The following VTI1A variants were observed in gnomAD, a reference collection of about 807,000 sequenced individuals.
VTI1A encodes the protein vesicle transport through interaction with t-SNAREs homolog 1A.
VTI1A carries 22 observed loss-of-function variants against 34.9 expected under a neutral mutation model. The ratio of observed to expected loss-of-function variants is 0.63; its 90% CI spans 0.45 to 0.90. The LOEUF is 0.90. VTI1A is among the 40% of genes least tolerant of loss of function. The pLI, the probability that VTI1A is intolerant of heterozygous loss-of-function variation, is 0.00. For synonymous variants in VTI1A, 87 were observed against 97.3 expected, an observed-to-expected ratio of 0.89 and a Z score of 0.62; for missense variants, 268 against 275.6, an observed-to-expected ratio of 0.97 and a Z score of 0.20.
chr10:112,737,062 C>CTT, intron 7 of VTI1A: 1 of 388,232 alleles, frequency 2.6e-6, no homozygotes, highest in Non-Finnish European at 4.6e-6. Context: ...AATTTTTTTT[C>CTT]TTTTTTTTTC....
intron 7 of VTI1A, among the ~76,000 whole-genome samples, chr10:112,708,357 A>G (rs7907012): frequency 0.39 from 60,013 of 152,238 alleles, 15,478 homozygotes; most frequent in African/African-American, 0.74. Flanking sequence ...TTATATAAAC[A>G]GGGTTACAGG....
intron 3 of VTI1A, among the ~76,000 whole-genome samples, chr10:112,490,471 T>G (rs933549067): frequency 6.6e-6 from 1 of 152,232 alleles, no homozygotes; most frequent in Non-Finnish European, 1.5e-5. Context: ...CAGATTCAGC[T>G]AATGACCCAA....
chr10:112,704,613 C>T (rs1316299734), intron 7 of VTI1A, among the ~76,000 whole-genome samples: 2 of 152,142 alleles, frequency 1.3e-5, no homozygotes. Context: ...TTGCTTTACC[C>T]AGATAAGTGA....
At chr10:112,507,872 G>C (rs1488673144) in intron 3 of VTI1A, among the ~76,000 whole-genome samples, 1 of 152,152 alleles carries the variant, frequency 6.6e-6, no homozygotes, top group Non-Finnish European at 1.5e-5. Flanking sequence ...TTCTTACTTA[G>C]ATCTGTGGAG....
chr10:112,744,576 C>T (rs1056316972), intron 7 of VTI1A, among the ~76,000 whole-genome samples: 5 of 151,040 alleles, frequency 3.3e-5, no homozygotes, highest in African/African-American at 1.2e-4. Context: ...TCCCAAGTAG[C>T]TGGGACTACA....
At chr10:112,600,643 A>G (rs1844842677) in intron 5 of VTI1A, among the ~76,000 whole-genome samples, 1 of 152,154 alleles carries the variant, frequency 6.6e-6, no homozygotes, top group African/African-American at 2.4e-5. Flanking sequence ...CTTATAGTCT[A>G]TATTTATGGG....
downstream of VTI1A, among the ~76,000 whole-genome samples, chr10:112,820,951 G>C (rs79140253): frequency 1.8e-3 from 269 of 152,210 alleles, 3 homozygotes; most frequent in African/African-American, 6.1e-3. Context: ...TCTTCAGGAG[G>C]AGCTAAAGAG....
At chr10:112,826,995 C>T in the VTI1A span, 2 of 152,178 alleles carry the variant, frequency 1.3e-5, no homozygotes, top group African/African-American at 4.8e-5. Context: ...AGTGTCATTT[C>T]AGGATCAGGA....
At chr10:112,751,732 G>C (rs150538137) in intron 7 of VTI1A, among the ~76,000 whole-genome samples, 76 of 152,334 alleles carry the variant, frequency 5.0e-4, no homozygotes, top group African/African-American at 1.8e-3. Flanking sequence ...CTCTACTAGA[G>C]ATTACACATT....
intron 5 of VTI1A, among the ~76,000 whole-genome samples, chr10:112,667,711 GA>G (rs918286124): frequency 1.3e-5 from 2 of 152,156 alleles, no homozygotes; most frequent in African/African-American, 4.8e-5. Context: ...CAAAAGCCTA[GA>G]GATAGTTCAC....
At chr10:112,843,162 C>T in the VTI1A span, among the ~76,000 whole-genome samples, 1 of 152,248 alleles carries the variant, frequency 6.6e-6, no homozygotes, top group Non-Finnish European at 1.5e-5. Flanking sequence ...CCTCCCAATT[C>T]TCCCAGCAGT....
upstream of VTI1A, chr10:112,447,056 C>T: frequency 3.1e-6 from 1 of 322,858 alleles, no homozygotes; most frequent in South Asian, 5.5e-5. Context: ...GGGGAAAAAA[C>T]GCTTCTAATG....
At chr10:112,754,652 G>C (rs2133997484) in intron 7 of VTI1A, among the ~76,000 whole-genome samples, 1 of 152,300 alleles carries the variant, frequency 6.6e-6, no homozygotes, top group South Asian at 2.1e-4. Flanking sequence ...TGGAAGAACT[G>C]AGGCTTTCAA....
chr10:112,613,970 G>A (rs536442349), intron 5 of VTI1A, among the ~76,000 whole-genome samples: 58 of 151,724 alleles, frequency 3.8e-4, no homozygotes, highest in African/African-American at 9.4e-4. Flanking sequence ...CTTTTTTTTC[G>A]TCCATTTTTC....
intron 5 of VTI1A, among the ~76,000 whole-genome samples, chr10:112,613,216 T>A (rs1050060637): frequency 4.9e-4 from 74 of 152,126 alleles, no homozygotes; most frequent in African/African-American, 1.7e-3. Flanking sequence ...TTAATAATAG[T>A]CTTTTAGTTG....
chr10:112,614,837 A>G (rs944312299), intron 5 of VTI1A, among the ~76,000 whole-genome samples: 1 of 152,234 alleles, frequency 6.6e-6, no homozygotes, highest in Admixed American at 6.5e-5. Flanking sequence ...GATCTGTGAC[A>G]GCAAGGCTCT....
At chr10:112,745,779 A>G (rs1024081836) in intron 7 of VTI1A, among the ~76,000 whole-genome samples, 6 of 152,194 alleles carry the variant, frequency 3.9e-5, no homozygotes, top group Non-Finnish European at 8.8e-5. Flanking sequence ...ACATATTGCT[A>G]AGACCTCTTT....
At chr10:112,708,742 A>G (rs1849289913) in intron 7 of VTI1A, among the ~76,000 whole-genome samples, 1 of 152,268 alleles carries the variant, frequency 6.6e-6, no homozygotes, top group Middle Eastern at 3.2e-3. Flanking sequence ...GTGATGATCA[A>G]ATACACCAAT....
At chr10:112,588,675 A>G (rs1844254979) in intron 5 of VTI1A, among the ~76,000 whole-genome samples, 1 of 152,178 alleles carries the variant, frequency 6.6e-6, no homozygotes, top group Non-Finnish European at 1.5e-5. Context: ...GTAGTAGGGA[A>G]CAGTAATGCA....
Sources: allele counts gnomAD v4.1 joint callset (sites outside exome capture counted in the v4.1 genomes callset), GRCh38; gene constraint gnomAD v4.1.1; transcripts MANE v1.5; gene names NCBI Gene and HGNC (gene_info 2026-07-23, HGNC 2026-07-21).